The following PPFIBP1 variants were observed in gnomAD, a reference collection of about 807,000 sequenced individuals.
PPFIBP1 encodes liprin-beta-1.
Under a neutral mutation model 137.8 loss-of-function variants are expected in PPFIBP1, and 112 were observed. The observed-to-expected ratio is 0.81, with a 90% CI of 0.70 to 0.95. The LOEUF (loss-of-function observed/expected upper bound fraction) is 0.95, where lower values mean the gene tolerates loss of function less well. Ranked by LOEUF, PPFIBP1 falls within the 40% of genes least tolerant of loss-of-function variation. The pLI is 0.00. For missense variants in PPFIBP1, 1,083 were observed against 1,196.6 expected (o/e 0.91, Z 1.40); for synonymous variants, 378 against 417.3 (o/e 0.91, Z 1.15).
Position 27,660,167 on chromosome 12 carries a change from C to A in PPFIBP1, c.845-717C>A, listed in dbSNP as rs141556051. Among the ~76,000 whole-genome samples, 133 of 152,258 alleles carry A rather than the reference C, an allele frequency of 8.7e-4. 1 individual carries two copies. Among genetic ancestry groups the A allele is most frequent in the African/African-American group, 3.1e-3 (128 of 41,540 alleles). Reference sequence around the variant, plus strand: ...TTGGCCTCCCAAAGTGCTGGGATTACAGGCATGAGCCACCACACCAGGCCC... The same window carrying A: ...TTGGCCTCCCAAAGTGCTGGGATTAAAGGCATGAGCCACCACACCAGGCCC... On this transcript the variant is annotated intron_variant, in intron 10 of 29. Coordinates refer to ENST00000228425, the MANE Select transcript of PPFIBP1 (RefSeq NM_003622.4).
chr12:27,646,286 GGA>G, intron 5 of PPFIBP1, 138 bp downstream of exon 5: 3 of 712,170 alleles, frequency 4.2e-6, no homozygotes, highest in Non-Finnish European at 7.5e-6. Context: ...TACACAATAG[GGA>G]GTGGTGAGGA....
intron 2 of PPFIBP1, among the ~76,000 whole-genome samples, chr12:27,629,902 C>T (rs546064517): frequency 1.3e-5 from 2 of 152,232 alleles, no homozygotes; most frequent in Admixed American, 6.5e-5. Context: ...TCTTACTCTT[C>T]TGTGTAGTTC....
rs140924942 is a variant in PPFIBP1, at chr12:27,646,828, A to G, written c.357+680A>G. Among the ~76,000 whole-genome samples the G allele has an allele frequency of 2.4e-3, 367 of 152,232 alleles. 3 individuals carry two copies. The highest frequency in any genetic ancestry group is 8.1e-3 in the African/African-American group (335 of 41,536). On this transcript the variant is annotated intron_variant, in intron 5 of 29. Coordinates refer to ENST00000228425, the MANE Select transcript of PPFIBP1 (RefSeq NM_003622.4). Reference sequence around the variant, plus strand: ...AAAATGAATTGAAGTATATTTACTGAGTGATGATTATTGAGGAAAAACTCA... The same window carrying G: ...AAAATGAATTGAAGTATATTTACTGGGTGATGATTATTGAGGAAAAACTCA...
intron 10 of PPFIBP1, among the ~76,000 whole-genome samples, chr12:27,660,175 A>AGCC (rs1197777571): frequency 6.6e-6 from 1 of 152,158 alleles, no homozygotes; most frequent in Non-Finnish European, 1.5e-5. Flanking sequence ...TACAGGCATG[A>AGCC]GCCACCACAC....
chr12:27,589,154 A>G (rs4930860), intron 2 of PPFIBP1, among the ~76,000 whole-genome samples: 17,222 of 152,232 alleles, frequency 0.11, 1,475 homozygotes, highest in East Asian at 0.41. Flanking sequence ...CCCACTTGCA[A>G]TATATAATGA....
chr12:27,527,099 C>A (rs568305980), intron 1 of PPFIBP1, among the ~76,000 whole-genome samples: 3 of 152,210 alleles, frequency 2.0e-5, no homozygotes, highest in East Asian at 3.9e-4. Context: ...TCTTTTAAAA[C>A]CTTTCCTATT....
Position 27,600,007 on chromosome 12 carries a change from A to G in PPFIBP1, c.-36+21768A>G, listed in dbSNP as rs150579731. Among the ~76,000 whole-genome samples the G allele has an allele frequency of 3.5e-3, 538 of 152,360 alleles. 1 individual carries two copies. Among genetic ancestry groups the G allele is most frequent in the Admixed American group, 7.6e-3 (116 of 15,304 alleles). The stretch of plus-strand genomic sequence containing the variant: ...TGTTTTAGTTAATCATGCTGTATCC[A>G]AGTTAATATCCTGGTGTGATCATTG... On this transcript the variant is annotated intron_variant, in intron 2 of 29. Transcript: ENST00000228425.
intron 2 of PPFIBP1, among the ~76,000 whole-genome samples, chr12:27,605,099 A>G (rs2054388872): frequency 6.6e-6 from 1 of 152,188 alleles, no homozygotes; most frequent in African/African-American, 2.4e-5. Context: ...GTGGGGACAC[A>G]GAGTCAAACC....
chr12:27,563,277 T>TTA (rs1292889355), intron 1 of PPFIBP1, among the ~76,000 whole-genome samples: 1 of 22,172 alleles, frequency 4.5e-5, no homozygotes, highest in East Asian at 1.4e-3. Flanking sequence ...CCATCTCTAC[T>TTA]AAAAAAAAAA....
At chr12:27,650,982 A>G (rs1427160048) in intron 7 of PPFIBP1, among the ~76,000 whole-genome samples, 3 of 152,140 alleles carry the variant, frequency 2.0e-5, no homozygotes, top group Non-Finnish European at 1.5e-5. Context: ...GTCATGCTGG[A>G]TTAGAAAATG....
intron 1 of PPFIBP1, among the ~76,000 whole-genome samples, chr12:27,558,262 T>TTTTTG (rs58268682): frequency 0.27 from 40,178 of 148,056 alleles, 5,759 homozygotes; most frequent in East Asian, 0.42. Flanking sequence ...CTGGGTTTTT[T>TTTTTG]TTTTGTTTTG....
chr12:27,535,301 C>A (rs544464326), intron 1 of PPFIBP1, among the ~76,000 whole-genome samples: 3 of 152,294 alleles, frequency 2.0e-5, no homozygotes, highest in Admixed American at 6.5e-5. Context: ...ATTAAAATTA[C>A]AGCATGAATT....
intron 13 of PPFIBP1, among the ~76,000 whole-genome samples, chr12:27,671,203 T>C (rs2060181728): frequency 1.3e-5 from 2 of 152,208 alleles, no homozygotes; most frequent in Admixed American, 6.5e-5. Flanking sequence ...CAATATTCAG[T>C]GTCTTATTCA....
At chr12:27,644,538 G>A (rs1197930172) in intron 4 of PPFIBP1, among the ~76,000 whole-genome samples, 1 of 151,988 alleles carries the variant, frequency 6.6e-6, no homozygotes, top group Non-Finnish European at 1.5e-5. Context: ...GGCCTGTCTT[G>A]GCACTTTCTT....
chr12:27,563,460 G>A (rs1190905336), intron 1 of PPFIBP1, among the ~76,000 whole-genome samples: 709 of 118,760 alleles, frequency 6.0e-3, no homozygotes, highest in Non-Finnish European at 7.2e-3. Context: ...CCATCTCAAA[G>A]AAAAAAAAAA....
intron 5 of PPFIBP1, among the ~76,000 whole-genome samples, chr12:27,647,214 T>C (rs2058569867): frequency 6.6e-6 from 1 of 152,154 alleles, no homozygotes; most frequent in South Asian, 2.1e-4. Context: ...TTGGCCAGGC[T>C]GGTCTTGAAC....
intron 2 of PPFIBP1, among the ~76,000 whole-genome samples, chr12:27,584,735 G>A (rs1271549669): frequency 6.6e-6 from 1 of 152,182 alleles, no homozygotes; most frequent in Non-Finnish European, 1.5e-5. Context: ...ATGTGCCCAA[G>A]AAATTATCAT....
chr12:27,551,676 A>G lies in PPFIBP1; in HGVS notation c.-123-26476A>G, dbSNP rs542767390. On this transcript the variant is annotated intron_variant, in intron 1 of 29. Coordinates refer to ENST00000228425, the MANE Select transcript of PPFIBP1 (RefSeq NM_003622.4). The stretch of plus-strand genomic sequence containing the variant: ...TCTCCGGTGCCAAGAGAGCTCACAC[A>G]CTGGCCAGCCAAAGTCTCTGTAACA... Among the ~76,000 whole-genome samples the G allele has an allele frequency of 7.0e-4, 106 of 151,994 alleles. 1 individual carries two copies. The South Asian group carries it at 0.021, about 30-fold the overall frequency.
chr12:27,593,368 C>G (rs148964253), intron 2 of PPFIBP1: 1 of 448,934 alleles, frequency 2.2e-6, no homozygotes. Context: ...AGGCCTATCC[C>G]TTCCTATCCT....
Sources: allele counts gnomAD v4.1 joint callset (sites outside exome capture counted in the v4.1 genomes callset), GRCh38; gene constraint gnomAD v4.1.1; transcripts MANE v1.5; gene names NCBI Gene and HGNC (gene_info 2026-07-23, HGNC 2026-07-21).